SORBS2: variants seen among roughly 807,000 people sequenced by gnomAD.
SORBS2 encodes sorbin and SH3 domain-containing protein 2.
In SORBS2, 46 loss-of-function variants were observed where a neutral mutation model predicts 97.7. The ratio of observed to expected loss-of-function variants is 0.47; its 90% CI spans 0.37 to 0.60. The LOEUF (loss-of-function observed/expected upper bound fraction) is 0.60, where lower values mean the gene tolerates loss of function less well. Among genes scored for constraint, SORBS2 ranks in the 20% least tolerant of loss-of-function variants. The pLI is 0.00. For missense variants in SORBS2, 1,316 were observed against 1,282.3 expected (o/e 1.03, Z -0.40); for synonymous variants, 476 against 473.4 (o/e 1.01, Z -0.07).
chr4:185,624,020 T>C (rs2096766358), exon 7 of SORBS2: 2 of 1,614,086 alleles, frequency 1.2e-6, no homozygotes, highest in South Asian at 2.2e-5. Context: ...CACCTCGGAG[T>C]TCATCAGGTC....
intron 6 of SORBS2, among the ~76,000 whole-genome samples, chr4:185,625,740 C>G (rs1028483203): frequency 6.6e-6 from 1 of 152,190 alleles, no homozygotes; most frequent in Non-Finnish European, 1.5e-5. Flanking sequence ...ACGCCCTGAA[C>G]CATCAGCTGA....
chr4:185,641,603 A>G (rs1317522848), intron 4 of SORBS2, among the ~76,000 whole-genome samples: 1 of 152,164 alleles, frequency 6.6e-6, no homozygotes, highest in African/African-American at 2.4e-5. Flanking sequence ...GAACATGGAC[A>G]TTCCTTTGAG....
chr4:185,723,149 TA>T (rs1006216476), intron 2 of SORBS2, among the ~76,000 whole-genome samples: 1 of 151,002 alleles, frequency 6.6e-6, no homozygotes, highest in African/African-American at 2.5e-5. Context: ...TAAAAAAAAA[TA>T]AAATAAAATA....
intron 2 of SORBS2, among the ~76,000 whole-genome samples, chr4:185,766,144 C>A (rs1248640540): frequency 6.6e-6 from 1 of 152,178 alleles, no homozygotes; most frequent in Non-Finnish European, 1.5e-5. Context: ...GCGTGGATCC[C>A]TTAGTCTGAC....
At chr4:185,704,630 TATTCA>T (rs2153537059) in intron 2 of SORBS2, among the ~76,000 whole-genome samples, 1 of 151,782 alleles carries the variant, frequency 6.6e-6, no homozygotes, top group South Asian at 2.1e-4. Context: ...ATTCATTCAT[TATTCA>T]ATTCATTAAT....
chr4:185,811,362 G>C (rs1261151514), intron 1 of SORBS2, among the ~76,000 whole-genome samples: 1 of 152,200 alleles, frequency 6.6e-6, no homozygotes, highest in Non-Finnish European at 1.5e-5. Context: ...GAGAAATGTT[G>C]TTGGCTGTGA....
rs545343106 is a variant in SORBS2, at chr4:185,918,858, A to G, written c.-338+37338T>C. Among the ~76,000 whole-genome samples the G allele has an allele frequency of 5.9e-5, 9 of 152,336 alleles. No homozygotes were observed. The South Asian group carries it at 1.9e-3, about 32-fold the overall frequency. Reference sequence around the variant, plus strand: ...GATGTAGATGTTCATGAAGATTTACAGTTTCCACGTATGTTCACCCAGTAC... The same window carrying G: ...GATGTAGATGTTCATGAAGATTTACGGTTTCCACGTATGTTCACCCAGTAC... On this transcript the variant is annotated intron_variant, in intron 1 of 20. Coordinates refer to the SORBS2 transcript ENST00000284776.
intron 13 of SORBS2, 48 bp downstream of exon 25, chr4:185,593,838 T>G: frequency 8.0e-7 from 1 of 1,250,432 alleles, no homozygotes; most frequent in Non-Finnish European, 1.2e-6. Flanking sequence ...TTGTCCATTT[T>G]GTGGGTCAAG....
chr4:185,662,212 C>A, exon 5 of SORBS2: 6 of 1,612,570 alleles, frequency 3.7e-6, no homozygotes, highest in Non-Finnish European at 5.1e-6. Flanking sequence ...CTCACGGCAC[C>A]TCCTGAGTTT....
chr4:185,630,845 A>T (rs2096894834), intron 4 of SORBS2, among the ~76,000 whole-genome samples: 1 of 152,066 alleles, frequency 6.6e-6, no homozygotes, highest in African/African-American at 2.4e-5. Flanking sequence ...ATTATCCACA[A>T]CCCAAGCATT....
chr4:185,711,885 CG>C (rs2098423812), intron 2 of SORBS2, among the ~76,000 whole-genome samples: 1 of 152,010 alleles, frequency 6.6e-6, no homozygotes, highest in African/African-American at 2.4e-5. Context: ...CCGTGCTCCC[CG>C]CCACCTATCC....
intron 2 of SORBS2, among the ~76,000 whole-genome samples, chr4:185,758,474 T>C (rs2098844368): frequency 6.6e-6 from 1 of 152,188 alleles, no homozygotes; most frequent in South Asian, 2.1e-4. Context: ...TGGAGGTTTT[T>C]AGCCTTGAAG....
chr4:185,870,336 G>C (rs1162062317), intron 1 of SORBS2, among the ~76,000 whole-genome samples: 1 of 152,196 alleles, frequency 6.6e-6, no homozygotes, highest in Non-Finnish European at 1.5e-5. Flanking sequence ...TGACCCAAGG[G>C]GTCGCACAGA....
chr4:185,683,365 G>A (rs1050804191), intron 2 of SORBS2, among the ~76,000 whole-genome samples: 41 of 152,112 alleles, frequency 2.7e-4, no homozygotes, highest in African/African-American at 8.9e-4. Context: ...TCCCTGGTAC[G>A]TGCGTCAAGG....
chr4:185,816,550 T>C (rs776621045), intron 1 of SORBS2, among the ~76,000 whole-genome samples: 1 of 152,208 alleles, frequency 6.6e-6, no homozygotes, highest in African/African-American at 2.4e-5. Flanking sequence ...AGGAGGAGGA[T>C]TGAAGTATCT....
intron 1 of SORBS2, among the ~76,000 whole-genome samples, chr4:185,954,160 C>A (rs1048653870): frequency 6.6e-6 from 1 of 152,172 alleles, no homozygotes; most frequent in African/African-American, 2.4e-5. Flanking sequence ...TCTGTATTCT[C>A]TTCTGCAAAA....
chr4:185,666,402 G>C (rs1201435598), intron 4 of SORBS2, among the ~76,000 whole-genome samples: 2 of 152,164 alleles, frequency 1.3e-5, no homozygotes, highest in Non-Finnish European at 1.5e-5. Flanking sequence ...CAGTCGGTGT[G>C]TTTTGAAACA....
chr4:185,721,081 A>ATCCTTT (rs2098509383), intron 2 of SORBS2, among the ~76,000 whole-genome samples: 1 of 69,598 alleles, frequency 1.4e-5, no homozygotes, highest in African/African-American at 5.9e-5. Flanking sequence ...TTTCCCACCT[A>ATCCTTT]TTCTTTTTTT....
At chr4:185,902,497 G>A (rs1292283043) in intron 1 of SORBS2, among the ~76,000 whole-genome samples, 1 of 152,024 alleles carries the variant, frequency 6.6e-6, no homozygotes, top group Non-Finnish European at 1.5e-5. Context: ...TAAGGTGAGG[G>A]CATTTTCAAA....
Sources: gnomAD v4.1 joint callset for allele counts (sites outside exome capture counted in the v4.1 genomes callset) on GRCh38, gnomAD v4.1.1 for gene constraint, MANE v1.5 for transcripts, NCBI Gene and HGNC (gene_info 2026-07-23, HGNC 2026-07-21) for gene names.